TSPAN4: variants seen among roughly 807,000 people sequenced by gnomAD.
The protein encoded by TSPAN4 is tetraspanin-4.
In TSPAN4, 38 loss-of-function variants were observed where a neutral mutation model predicts 31.5. The ratio of observed to expected loss-of-function variants is 1.21; its 90% CI spans 0.93 to 1.58. The LOEUF is 1.58. Ranked by LOEUF, TSPAN4 falls within the 40% of genes most tolerant of loss-of-function variation. The probability of loss-of-function intolerance (pLI) is 0.00; values close to 1 mark genes in which losing one functional copy is unlikely to be tolerated. For synonymous variants in TSPAN4, 186 were observed against 144.6 expected (o/e 1.29, Z -2.06); for missense variants, 330 against 317.3 (o/e 1.04, Z -0.30).
Position 862,579 on chromosome 11 carries a change from C to G in TSPAN4, c.93C>G (p.Gly31=), listed in dbSNP as rs1048086315. 1 of 1,610,980 alleles carries G rather than the reference C, an allele frequency of 6.2e-7. No homozygotes were observed. The highest frequency in any genetic ancestry group is 1.3e-5 in the African/African-American group (1 of 75,004). ...GAGGCTGTGGCGTGCTGGGTGTCGGCATCTGGCTGGCCGCCACACAGGGGA... is the reference window on the plus strand; with the variant it reads ...GAGGCTGTGGCGTGCTGGGTGTCGGGATCTGGCTGGCCGCCACACAGGGGA... The part of the protein sequence containing the change: ...WLGGCGVLGV[G]IWLAATQGSF... The change falls in exon 4 of 9, where the codon GGC becomes GGG. Residue 31 remains glycine (G), a synonymous_variant. Coordinates refer to ENST00000397397, the MANE Select transcript of TSPAN4 (RefSeq NM_003271.5).
intron 1 of TSPAN4, chr11:843,617 G>C (rs962702643): frequency 6.6e-6 from 1 of 152,380 alleles, no homozygotes; most frequent in African/African-American, 2.4e-5. Context: ...CTCTCGGATG[G>C]AGTGCGGGGG....
At position 866,967 on chromosome 11, in the gene TSPAN4, G is replaced by A. The variant is rs1004336059; in HGVS notation, c.*337G>A. 1.7e-5 allele frequency: 4 copies of A among 232,438 alleles called. No homozygotes were observed. The highest frequency in any genetic ancestry group is 9.1e-5 in the African/African-American group (4 of 44,062). 14.4% of individuals were successfully genotyped at this position (232,438 alleles called of 1,614,324 possible). A position where few individuals can be genotyped will look rare whatever the true frequency, so the allele number is the denominator to read the frequency against. The stretch of plus-strand genomic sequence containing the variant: ...TGGCCCCCAGCCTCCTGGAAAACAG[G>A]TTGGCGCTGGAGGAGCCGGGTCTTG... On this transcript the variant is annotated 3_prime_UTR_variant, in exon 9 of 9. Transcript: ENST00000397397.
At chr11:858,999 C>T (rs1440064758) in intron 3 of TSPAN4, among the ~76,000 whole-genome samples, 1 of 130,362 alleles carries the variant, frequency 7.7e-6, no homozygotes, top group Non-Finnish European at 1.6e-5. Context: ...ACCCCTGGGT[C>T]ACACGCATCC....
intron 3 of TSPAN4, among the ~76,000 whole-genome samples, chr11:854,252 C>T (rs1847920186): frequency 6.6e-6 from 1 of 152,196 alleles, no homozygotes; most frequent in Non-Finnish European, 1.5e-5. Context: ...TTCTCTTCAC[C>T]CGCAGCACCA....
chr11:862,089 T>TG (rs1165709404), intron 3 of TSPAN4, among the ~76,000 whole-genome samples: 3 of 152,078 alleles, frequency 2.0e-5, no homozygotes, highest in African/African-American at 7.2e-5. Flanking sequence ...CATCCCGGAG[T>TG]GAGGGCAGGG....
intron 3 of TSPAN4, among the ~76,000 whole-genome samples, chr11:851,736 C>T (rs1191889407): frequency 6.6e-6 from 1 of 150,520 alleles, no homozygotes; most frequent in Non-Finnish European, 1.5e-5. Flanking sequence ...GGGGGGTGGG[C>T]TGCAGGTGGC....
chr11:864,803 C>A (rs1241202652), intron 5 of TSPAN4: 1 of 525,580 alleles, frequency 1.9e-6, no homozygotes. Flanking sequence ...CTGCTCCCAG[C>A]GCCCCATCCG....
rs1278109219 is a variant in TSPAN4, at chr11:848,827, T to C, written c.-17-1461T>C. The C allele has an allele frequency of 3.2e-5, 21 of 648,788 alleles. No homozygotes were observed. The highest frequency in any genetic ancestry group is 6.0e-5 in the Non-Finnish European group (21 of 350,628). The allele number at this position is 648,788 out of a possible 1,614,324, so 40.2% of individuals were successfully genotyped here. On this transcript the variant is annotated intron_variant, in intron 2 of 8. Transcript: ENST00000397397. The surrounding 1 kb of genome is among the most constrained non-coding windows in gnomAD (Gnocchi z 5.7). ...GGGGCTTCAGAGGCGTGGGGTAGGC[T>C]GCAGGGCACAGCTGGGGGCCTCTGT...
At chr11:849,404 A>G (rs933432346) in intron 2 of TSPAN4, among the ~76,000 whole-genome samples, 1 of 151,736 alleles carries the variant, frequency 6.6e-6, no homozygotes, top group Non-Finnish European at 1.5e-5. Context: ...GCCACCAGAC[A>G]GCAACGGGGT....
At chr11:861,111 C>T (rs1439754172) in intron 3 of TSPAN4, among the ~76,000 whole-genome samples, 1 of 152,198 alleles carries the variant, frequency 6.6e-6, no homozygotes, top group Admixed American at 6.5e-5. Flanking sequence ...CTTGCTGGGC[C>T]AGCAGCCTAG....
intron 5 of TSPAN4, chr11:865,278 C>T (rs1441580374): frequency 1.2e-5 from 7 of 569,430 alleles, no homozygotes; most frequent in African/African-American, 7.5e-5. Flanking sequence ...CTCTGTCCCC[C>T]CAGGACCCAT....
In TSPAN4 at chr11:866,640, C is replaced by T. The variant is rs375498090; in HGVS notation, c.*10C>T. ...CACCTACTGCGCGTAGGCCGCCCAC[C>T]GCCCGCTTCTCTGCCAAAAGGACGC... On this transcript the variant is annotated 3_prime_UTR_variant, in exon 9 of 9. Transcript: ENST00000397397. The T allele has an allele frequency of 7.7e-5, 124 of 1,609,568 alleles. 1 individual carries two copies. The South Asian group carries it at 7.7e-4, about 10-fold the overall frequency.
chr11:866,774 C>A lies in TSPAN4; in HGVS notation c.*144C>A. 1.1e-6 allele frequency: 1 copy of A among 893,004 alleles called. No homozygotes were observed. The highest frequency in any genetic ancestry group is 1.6e-6 in the Non-Finnish European group (1 of 611,044). 55.3% of individuals were successfully genotyped at this position (893,004 alleles called of 1,614,324 possible). A position where few individuals can be genotyped will look rare whatever the true frequency, so the allele number is the denominator to read the frequency against. ...GGACAGGTGCCTGGAGCCCCCGGAA[C>A]CCTGTTTCTGGAAGGCCCTAGCTCA... On this transcript the variant is annotated 3_prime_UTR_variant, in exon 9 of 9. Coordinates refer to ENST00000397397, the MANE Select transcript of TSPAN4 (RefSeq NM_003271.5).
At chr11:854,905 TC>T (rs914894000) in intron 3 of TSPAN4, among the ~76,000 whole-genome samples, 16 of 152,302 alleles carry the variant, frequency 1.1e-4, no homozygotes, top group Middle Eastern at 3.4e-3. Context: ...GAGTTTAACA[TC>T]CCAGGCCAGC....
chr11:857,398 G>A (rs1848113058), intron 3 of TSPAN4: 1 of 48,544 alleles, frequency 2.1e-5, no homozygotes, highest in African/African-American at 7.7e-5. Flanking sequence ...CAGGCAGTTT[G>A]GGTTTTTTTT....
intron 3 of TSPAN4, among the ~76,000 whole-genome samples, chr11:850,894 G>C (rs920956509): frequency 1.3e-5 from 2 of 149,360 alleles, no homozygotes; most frequent in Non-Finnish European, 2.9e-5. Context: ...CCCAGTCGCC[G>C]GGAGGCGCTG....
At chr11:845,938 G>T (rs1590220712) in intron 1 of TSPAN4, among the ~76,000 whole-genome samples, 1 of 152,304 alleles carries the variant, frequency 6.6e-6, no homozygotes, top group Non-Finnish European at 1.5e-5. Flanking sequence ...TCCTCTGTGT[G>T]CATGAGGGAG....
chr11:862,201 G>T, intron 3 of TSPAN4: 1 of 292,770 alleles, frequency 3.4e-6, no homozygotes. Flanking sequence ...GCGGGGTTAG[G>T]GGTGTGCAGA....
intron 4 of TSPAN4, 54 bp downstream of exon 4, chr11:862,795 C>T (rs982805803): frequency 1.0e-4 from 156 of 1,509,272 alleles, no homozygotes; most frequent in Non-Finnish European, 1.3e-4. Context: ...GGGTGGGGCT[C>T]CGGTGGCCCC....
Sources: gnomAD v4.1 joint callset for allele counts (sites outside exome capture counted in the v4.1 genomes callset) on GRCh38, gnomAD v4.1.1 for gene constraint, Gnocchi (gnomAD v3.1) non-coding constraint, MANE v1.5 for transcripts, NCBI Gene and HGNC (gene_info 2026-07-23, HGNC 2026-07-21) for gene names.